Variants in COLEC11 observed in about 807,000 individuals in gnomAD.
COLEC11 encodes the protein collectin-11.
Under a neutral mutation model 27.3 loss-of-function variants are expected in COLEC11, and 20 were observed. That is an observed-to-expected ratio of 0.73 (90% CI 0.51 to 1.06). The LOEUF (loss-of-function observed/expected upper bound fraction) is 1.06, where lower values mean the gene tolerates loss of function less well. Ranked by LOEUF, COLEC11 falls within the 50% of genes least tolerant of loss-of-function variation. The pLI is 0.00. For missense variants in COLEC11, 310 were observed against 383.0 expected, an observed-to-expected ratio of 0.81 and a Z score of 1.59; for synonymous variants, 163 against 154.7, an observed-to-expected ratio of 1.05 and a Z score of -0.40.
At chr2:3,604,016 T>G in intron 1 of COLEC11, 1 of 565,396 alleles carries the variant, frequency 1.8e-6, no homozygotes. Context: ...AGGAATCGTT[T>G]GTCCCAGAGA....
chr2:3,603,978 G>A, intron 1 of COLEC11: 1 of 565,524 alleles, frequency 1.8e-6, no homozygotes, highest in Non-Finnish European at 3.2e-6. Context: ...TGGCTATGCT[G>A]TGTGGAGACC....
chr2:3,603,566 C>G, intron 1 of COLEC11: 6 of 1,389,198 alleles, frequency 4.3e-6, no homozygotes, highest in Non-Finnish European at 6.0e-6. Flanking sequence ...ATCTGCCCAC[C>G]TCAGCCTCCC....
chr2:3,617,874 T>TA, intron 3 of COLEC11: 1 of 560,554 alleles, frequency 1.8e-6, no homozygotes, highest in Non-Finnish European at 3.2e-6. Flanking sequence ...GACTTTTTGA[T>TA]ACCAGCCATC....
chr2:3,637,406 C>T, intron 3 of COLEC11, 127 bp from the exon 4 acceptor site: 1 of 754,252 alleles, frequency 1.3e-6, no homozygotes, highest in South Asian at 1.4e-5. Flanking sequence ...AGCTGTCTTT[C>T]TTAGTCTCTT....
At chr2:3,641,624 A>C (rs140008794) in intron 5 of COLEC11, among the ~76,000 whole-genome samples, 7 of 152,202 alleles carry the variant, frequency 4.6e-5, no homozygotes, top group Non-Finnish European at 8.8e-5. Context: ...ATATTTAACA[A>C]ATTTTATCTT....
At chr2:3,613,758 G>A (rs1281739167) in intron 3 of COLEC11, among the ~76,000 whole-genome samples, 2 of 152,160 alleles carry the variant, frequency 1.3e-5, no homozygotes, top group Non-Finnish European at 2.9e-5. Flanking sequence ...TCATCACTTT[G>A]CGTCTGTCTC....
chr2:3,610,477 T>C (rs1458132793), intron 2 of COLEC11, among the ~76,000 whole-genome samples: 2 of 152,204 alleles, frequency 1.3e-5, no homozygotes, highest in East Asian at 1.9e-4. Flanking sequence ...ACTGCTGTCA[T>C]GTAGGCGGTG....
intron 5 of COLEC11, among the ~76,000 whole-genome samples, chr2:3,641,765 A>G (rs940418541): frequency 6.6e-6 from 1 of 152,172 alleles, no homozygotes; most frequent in African/African-American, 2.4e-5. Flanking sequence ...TTTGGGCTCT[A>G]CGTGATTGCC....
intron 4 of COLEC11, among the ~76,000 whole-genome samples, chr2:3,638,602 A>T (rs1665615078): frequency 6.6e-6 from 1 of 152,098 alleles, no homozygotes. Context: ...ATCCATGGTC[A>T]CAGACCTCCC....
rs60222284 is a variant in COLEC11 at position 3,625,625 on chromosome 2, CT to C, written c.203-11889del. Among the ~76,000 whole-genome samples, 366 of 91,460 alleles carry C rather than the reference CT, an allele frequency of 4.0e-3. 2 individuals carry two copies. Among genetic ancestry groups the C allele is most frequent in the African/African-American group, 0.013 (279 of 20,858 alleles). 60.0% of individuals were successfully genotyped at this position (91,460 alleles called of 152,430 possible). On this transcript the variant is annotated intron_variant, in intron 3 of 6. Coordinates refer to ENST00000349077, the MANE Select transcript of COLEC11 (RefSeq NM_024027.5). Reference sequence around the variant, plus strand: ...GGAAAGTTTCTTTTCTTCTTTTTTACTTTTTTTTTTTTTTTTTTTGAGACAG... The same window carrying C: ...GGAAAGTTTCTTTTCTTCTTTTTTACTTTTTTTTTTTTTTTTTTGAGACAG...
intron 2 of COLEC11, chr2:3,605,165 TGTG>T: frequency 2.2e-6 from 1 of 460,584 alleles, no homozygotes; most frequent in African/African-American, 2.0e-5. Context: ...GAAATGAAAA[TGTG>T]GGCCCCTTGT....
chr2:3,611,019 G>T (rs148554058), intron 2 of COLEC11, among the ~76,000 whole-genome samples: 2 of 152,144 alleles, frequency 1.3e-5, no homozygotes, highest in East Asian at 1.9e-4. Flanking sequence ...GATTTTCCCC[G>T]TGTGGTTCTC....
intron 3 of COLEC11, among the ~76,000 whole-genome samples, chr2:3,632,416 G>A (rs1177607236): frequency 1.3e-5 from 2 of 152,188 alleles, no homozygotes; most frequent in African/African-American, 2.4e-5. Context: ...TCAGGGATCC[G>A]GGTGCCGGCA....
intron 3 of COLEC11, chr2:3,617,716 G>T (rs770068260): frequency 2.0e-5 from 31 of 1,564,542 alleles, no homozygotes; most frequent in Middle Eastern, 4.6e-4. Context: ...AGGCGTGCGA[G>T]AACGAGAGAA....
At chr2:3,627,637 G>A (rs1331871852) in intron 3 of COLEC11, among the ~76,000 whole-genome samples, 1 of 150,880 alleles carries the variant, frequency 6.6e-6, no homozygotes, top group Non-Finnish European at 1.5e-5. Context: ...ATGATGGGGT[G>A]GATCTGGGCA....
chr2:3,642,610 C>A (rs1359837546), intron 5 of COLEC11, among the ~76,000 whole-genome samples: 1 of 152,214 alleles, frequency 6.6e-6, no homozygotes, highest in Non-Finnish European at 1.5e-5. Context: ...TCCTCTCTAG[C>A]GGCCTCACGT....
chr2:3,604,204 G>A, intron 1 of COLEC11, 111 bp from the exon 2 acceptor site: 1 of 1,194,332 alleles, frequency 8.4e-7, no homozygotes, highest in South Asian at 1.3e-5. Context: ...GGCCCAGACA[G>A]CCCTTCCAGG....
intron 2 of COLEC11, 45 bp from the exon 3 acceptor site, chr2:3,613,266 G>A (rs7567724): frequency 0.12 from 186,660 of 1,571,402 alleles, 11,809 homozygotes; most frequent in Middle Eastern, 0.15. Flanking sequence ...CTGAGACGCT[G>A]TGCTGGCCAG....
In COLEC11 at chr2:3,640,949, G is replaced by A. The variant is rs1216460147; in HGVS notation, c.328+618G>A. On this transcript the variant is annotated intron_variant, in intron 5 of 6. Coordinates refer to ENST00000349077, the MANE Select transcript of COLEC11 (RefSeq NM_024027.5). ...GACACCCACCCCCGTCACATCCCAC[G>A]GTGGACACCCACCCACCATGTAGAC... Among the ~76,000 whole-genome samples, 3 of 117,730 alleles carry A rather than the reference G, an allele frequency of 2.5e-5. No individual in the cohort carries two copies. The Admixed American group carries it at 2.7e-4, about 10-fold the overall frequency. 77.2% of individuals were successfully genotyped at this position (117,730 alleles called of 152,430 possible). A position where few individuals can be genotyped will look rare whatever the true frequency, so the allele number is the denominator to read the frequency against.
Sources: gnomAD v4.1 joint callset for allele counts (sites outside exome capture counted in the v4.1 genomes callset) on GRCh38, gnomAD v4.1.1 for gene constraint, MANE v1.5 for transcripts, NCBI Gene and HGNC (gene_info 2026-07-23, HGNC 2026-07-21) for gene names.